ZNF385D: variants seen among roughly 807,000 people sequenced by gnomAD.
ZNF385D encodes the protein zinc finger protein 385D.
ZNF385D carries 15 observed loss-of-function variants against 35.8 expected under a neutral mutation model. The observed-to-expected ratio is 0.42, with a 90% CI of 0.28 to 0.64. ZNF385D has a LOEUF of 0.64. ZNF385D is among the 30% of genes least tolerant of loss of function. ZNF385D has a pLI of 0.23. For missense variants in ZNF385D, 474 were observed against 494.6 expected (o/e 0.96, Z 0.39); for synonymous variants, 212 against 186.8 (o/e 1.13, Z -1.10).
chr3:22,258,077 T>C (rs1700407932), intron 2 of ZNF385D, among the ~76,000 whole-genome samples: 1 of 151,780 alleles, frequency 6.6e-6, no homozygotes. Flanking sequence ...CAATGAGATA[T>C]AATAGAGTAA....
chr3:22,317,007 G>C (rs570849617), intron 2 of ZNF385D, among the ~76,000 whole-genome samples: 2 of 151,942 alleles, frequency 1.3e-5, no homozygotes, highest in Non-Finnish European at 2.9e-5. Context: ...GTGGGGAGCA[G>C]TGACTCACCC....
rs535511382 is a variant in ZNF385D, at chr3:21,414,769, G to T, written c.*6445C>A. 1 of 152,016 alleles carries T rather than the reference G, an allele frequency of 6.6e-6. No individual in the cohort carries two copies. Among genetic ancestry groups the T allele is most frequent in the African/African-American group, 2.4e-5 (1 of 41,480 alleles). The allele number at this position is 152,016 out of a possible 1,614,324, so 9.4% of individuals were successfully genotyped here. A position where few individuals can be genotyped will look rare whatever the true frequency, so the allele number is the denominator to read the frequency against. On this transcript the variant is annotated 3_prime_UTR_variant, in exon 8 of 8. Coordinates refer to ENST00000281523, the MANE Select transcript of ZNF385D (RefSeq NM_024697.3). ...GATCCCTTGGCCACAAGGCTTTTTC[G>T]CCAATATCCAGTACTTCCACACATT...
intron 3 of ZNF385D, among the ~76,000 whole-genome samples, chr3:21,551,215 A>G (rs1028597667): frequency 1.3e-5 from 2 of 152,154 alleles, no homozygotes; most frequent in Non-Finnish European, 2.9e-5. Flanking sequence ...AAACACATAG[A>G]TCTTCCTCCA....
chr3:21,618,325 A>G (rs368356747), intron 2 of ZNF385D, among the ~76,000 whole-genome samples: 4 of 152,166 alleles, frequency 2.6e-5, no homozygotes, highest in African/African-American at 9.7e-5. Flanking sequence ...TGTGGCTGTA[A>G]GCCCAAGAAT....
At chr3:21,868,352 T>C (rs1697497483) in intron 3 of ZNF385D, among the ~76,000 whole-genome samples, 1 of 152,132 alleles carries the variant, frequency 6.6e-6, no homozygotes, top group Non-Finnish European at 1.5e-5. Context: ...CTCATGATAA[T>C]TCTATGATTT....
chr3:21,716,777 T>C (rs1337481995), intron 1 of ZNF385D, among the ~76,000 whole-genome samples: 2 of 152,094 alleles, frequency 1.3e-5, no homozygotes, highest in Non-Finnish European at 1.5e-5. Flanking sequence ...GTTAGAATTT[T>C]TGTTGTTGTT....
chr3:21,877,494 T>C (rs1698041430), intron 3 of ZNF385D, among the ~76,000 whole-genome samples: 1 of 152,114 alleles, frequency 6.6e-6, no homozygotes, highest in Non-Finnish European at 1.5e-5. Context: ...TTAAAGTTAA[T>C]TAATTTAACC....
chr3:21,508,719 T>C (rs1706971359), intron 4 of ZNF385D, among the ~76,000 whole-genome samples: 1 of 152,222 alleles, frequency 6.6e-6, no homozygotes, highest in Non-Finnish European at 1.5e-5. Flanking sequence ...GTTGAAATTC[T>C]GTTAAACTTC....
intron 1 of ZNF385D, among the ~76,000 whole-genome samples, chr3:21,739,535 G>A (rs2069406804): frequency 6.6e-6 from 1 of 152,156 alleles, no homozygotes; most frequent in African/African-American, 2.4e-5. Context: ...GGCCAGATCA[G>A]AATGTCCCAA....
intron 3 of ZNF385D, among the ~76,000 whole-genome samples, chr3:21,766,316 T>A (rs546670213): frequency 2.8e-4 from 42 of 152,258 alleles, no homozygotes; most frequent in African/African-American, 9.9e-4. Flanking sequence ...CGTTTTATTA[T>A]TAGAGTAATG....
At chr3:21,423,579 G>A (rs989003549) in intron 7 of ZNF385D, among the ~76,000 whole-genome samples, 3 of 152,170 alleles carry the variant, frequency 2.0e-5, no homozygotes, top group Non-Finnish European at 4.4e-5. Flanking sequence ...CAGTCATGGG[G>A]AGAGGAAATT....
chr3:21,920,717 G>C (rs1018490845), intron 3 of ZNF385D, among the ~76,000 whole-genome samples: 2 of 151,350 alleles, frequency 1.3e-5, no homozygotes, highest in Non-Finnish European at 2.9e-5. Context: ...TATAATTGAT[G>C]AAGTTAGGCA....
chr3:22,070,619 A>G (rs1430883499), intron 3 of ZNF385D, among the ~76,000 whole-genome samples: 1 of 152,178 alleles, frequency 6.6e-6, no homozygotes, highest in Non-Finnish European at 1.5e-5. Flanking sequence ...TTCTAGTCAT[A>G]GAAAGTACTA....
intron 2 of ZNF385D, among the ~76,000 whole-genome samples, chr3:22,319,541 T>A (rs1432100848): frequency 6.6e-6 from 1 of 152,156 alleles, no homozygotes; most frequent in Non-Finnish European, 1.5e-5. Flanking sequence ...GTTGTTCAAA[T>A]CTTAGAATCA....
At chr3:21,928,034 G>A (rs973269945) in intron 3 of ZNF385D, among the ~76,000 whole-genome samples, 1 of 151,980 alleles carries the variant, frequency 6.6e-6, no homozygotes, top group East Asian at 1.9e-4. Flanking sequence ...GACCACCCCA[G>A]GCAACAGAGC....
intron 2 of ZNF385D, among the ~76,000 whole-genome samples, chr3:22,314,764 G>A (rs1703791359): frequency 6.6e-6 from 1 of 152,062 alleles, no homozygotes; most frequent in Admixed American, 6.6e-5. Flanking sequence ...GAGCAGAGTG[G>A]CTTTAATTGC....
chr3:21,514,915 A>G (rs1707461065), intron 3 of ZNF385D, among the ~76,000 whole-genome samples: 1 of 152,166 alleles, frequency 6.6e-6, no homozygotes, highest in Non-Finnish European at 1.5e-5. Flanking sequence ...GAAATAGCAC[A>G]TGACACCATT....
intron 1 of ZNF385D, among the ~76,000 whole-genome samples, chr3:21,668,993 T>A (rs1307648771): frequency 1.3e-5 from 2 of 152,222 alleles, no homozygotes; most frequent in African/African-American, 4.8e-5. Flanking sequence ...TTACCAACAA[T>A]GTCACTTTAT....
At chr3:21,772,564 T>A (rs769273442) in intron 3 of ZNF385D, among the ~76,000 whole-genome samples, 2 of 151,748 alleles carry the variant, frequency 1.3e-5, no homozygotes, top group Non-Finnish European at 2.9e-5. Context: ...AAATAACGTA[T>A]TGATGAAGAG....
Sources: gnomAD v4.1 joint callset for allele counts (sites outside exome capture counted in the v4.1 genomes callset) on GRCh38, gnomAD v4.1.1 for gene constraint, MANE v1.5 for transcripts, NCBI Gene and HGNC (gene_info 2026-07-23, HGNC 2026-07-21) for gene names.